Variants in CACNB2 observed in about 807,000 individuals in gnomAD.
The protein encoded by CACNB2 is calcium voltage-gated channel auxiliary subunit beta 2.
In CACNB2, 42 loss-of-function variants were observed where a neutral mutation model predicts 73.3. The observed-to-expected ratio is 0.57, with a 90% CI of 0.45 to 0.74. CACNB2 has a LOEUF of 0.74. Among genes scored for constraint, CACNB2 ranks in the 30% least tolerant of loss-of-function variants. CACNB2 has a pLI of 0.00. For synonymous variants in CACNB2, 348 were observed against 310.3 expected (o/e 1.12, Z -1.28); for missense variants, 940 against 853.0 (o/e 1.10, Z -1.27).
chr10:18,471,271 A>ACTCC (rs1483834138), intron 3 of CACNB2, among the ~76,000 whole-genome samples: 13 of 152,146 alleles, frequency 8.5e-5, no homozygotes, highest in Non-Finnish European at 8.8e-5. Flanking sequence ...ATGCCACAGC[A>ACTCC]CTCCAGCCTG....
At chr10:18,270,359 G>A (rs536609491) in intron 2 of CACNB2, among the ~76,000 whole-genome samples, 2 of 152,020 alleles carry the variant, frequency 1.3e-5, no homozygotes, top group African/African-American at 2.4e-5. Flanking sequence ...ATTTGGGTGG[G>A]GACAAAGCCA....
chr10:18,475,194 G>A (rs560036171), intron 3 of CACNB2, among the ~76,000 whole-genome samples: 1 of 152,000 alleles, frequency 6.6e-6, no homozygotes, highest in African/African-American at 2.4e-5. Flanking sequence ...TCACACACCT[G>A]GAAGCTCTCA....
intron 1 of CACNB2, among the ~76,000 whole-genome samples, chr10:18,148,884 TTGG>T (rs201981684): frequency 0.014 from 2,169 of 151,968 alleles, 23 homozygotes; most frequent in Middle Eastern, 0.031. Context: ...TTCCAGTTAC[TTGG>T]GAGGCTGAGG....
chr10:18,155,481 A>G (rs2031968874), intron 2 of CACNB2, among the ~76,000 whole-genome samples: 1 of 152,204 alleles, frequency 6.6e-6, no homozygotes, highest in African/African-American at 2.4e-5. Context: ...ACATTGGGCC[A>G]TTTCCAGTTG....
chr10:18,538,117 G>A (rs990803187), intron 12 of CACNB2, 63 bp from the exon 13 acceptor site: 1 of 1,499,980 alleles, frequency 6.7e-7, no homozygotes, highest in African/African-American at 1.4e-5. Context: ...TCCTCTTATG[G>A]AGGTGGGAAG....
chr10:18,324,618 C>T (rs1456434336), intron 2 of CACNB2, among the ~76,000 whole-genome samples: 2 of 152,166 alleles, frequency 1.3e-5, no homozygotes, highest in African/African-American at 2.4e-5. Flanking sequence ...TTTGGGAGGC[C>T]GAAGTGGGTG....
At position 18,538,385 on chromosome 10, in the gene CACNB2, A is replaced by C; in HGVS notation, c.1488+20A>C. 1 of 1,604,580 alleles carries C rather than the reference A, an allele frequency of 6.2e-7. No individual in the cohort carries two copies. Among genetic ancestry groups the C allele is most frequent in the Non-Finnish European group, 8.5e-7 (1 of 1,171,560 alleles). The stretch of plus-strand genomic sequence containing the variant: ...TCACAGGTAAGGGGAGTTTTTATAT[A>C]TATCTATATATACAATCTTCATAGA... On this transcript the variant is annotated intron_variant, in intron 13 of 13. Coordinates refer to ENST00000324631, the MANE Select transcript of CACNB2 (RefSeq NM_201596.3).
intron 2 of CACNB2, among the ~76,000 whole-genome samples, chr10:18,377,338 T>C (rs2042841412): frequency 6.6e-6 from 1 of 152,220 alleles, no homozygotes; most frequent in Non-Finnish European, 1.5e-5. Context: ...TATTGACATC[T>C]TGTGAGCTAT....
chr10:18,158,387 T>C (rs2032211760), intron 2 of CACNB2, among the ~76,000 whole-genome samples: 1 of 152,226 alleles, frequency 6.6e-6, no homozygotes, highest in South Asian at 2.1e-4. Flanking sequence ...TGAATGAATA[T>C]TATTTTCAAA....
intron 2 of CACNB2, among the ~76,000 whole-genome samples, chr10:18,253,743 C>A (rs2037175908): frequency 6.6e-6 from 1 of 152,166 alleles, no homozygotes; most frequent in Non-Finnish European, 1.5e-5. Context: ...GAGAATTTTA[C>A]TTTTCTCTAC....
At chr10:18,503,853 A>T (rs886639470) in intron 5 of CACNB2, among the ~76,000 whole-genome samples, 1 of 152,158 alleles carries the variant, frequency 6.6e-6, no homozygotes, top group Non-Finnish European at 1.5e-5. Flanking sequence ...TAGCCTTTTA[A>T]TGTCATCATG....
chr10:18,393,384 G>T (rs778218177), intron 2 of CACNB2, among the ~76,000 whole-genome samples: 1 of 152,036 alleles, frequency 6.6e-6, no homozygotes, highest in South Asian at 2.1e-4. Flanking sequence ...TTTTCAAAAT[G>T]GTTCCTTTGG....
intron 3 of CACNB2, among the ~76,000 whole-genome samples, chr10:18,452,734 C>T (rs1234037948): frequency 2.0e-5 from 3 of 152,190 alleles, no homozygotes; most frequent in Non-Finnish European, 4.4e-5. Flanking sequence ...GACAGAAGTT[C>T]TCTACCTAGG....
chr10:18,143,816 A>G (rs1386630707), intron 1 of CACNB2, among the ~76,000 whole-genome samples: 4 of 152,158 alleles, frequency 2.6e-5, no homozygotes, highest in African/African-American at 7.2e-5. Context: ...TGGAGTTTCT[A>G]TTTACAAATG....
At chr10:18,275,380 G>T (rs781713667) in intron 2 of CACNB2, among the ~76,000 whole-genome samples, 2 of 152,166 alleles carry the variant, frequency 1.3e-5, no homozygotes, top group African/African-American at 4.8e-5. Context: ...GTAATAAGGG[G>T]ATAGATACAA....
chr10:18,460,228 G>GTTAA (rs1424894587), intron 3 of CACNB2, among the ~76,000 whole-genome samples: 1 of 152,024 alleles, frequency 6.6e-6, no homozygotes, highest in African/African-American at 2.4e-5. Context: ...GTTTGTGGCT[G>GTTAA]TCAGTAGATT....
chr10:18,155,890 G>T (rs1265701727), intron 2 of CACNB2, among the ~76,000 whole-genome samples: 1 of 46,940 alleles, frequency 2.1e-5, no homozygotes, highest in Non-Finnish European at 4.3e-5. Context: ...GAGAGAGAGA[G>T]AACATATTAT....
At chr10:18,318,728 A>G (rs536789043) in intron 2 of CACNB2, among the ~76,000 whole-genome samples, 1 of 152,364 alleles carries the variant, frequency 6.6e-6, no homozygotes, top group Admixed American at 6.5e-5. Flanking sequence ...TAATATCCAG[A>G]ATCTACAAGG....
In CACNB2 at chr10:18,140,839, C is replaced by A; in HGVS notation, c.103C>A (p.Leu35Ile). ...AGAGAACGTGGCTCCCGCGGGGGCGCTCGGAGCCGCCGCACAGGTAGCGAG... is the reference window on the plus strand; with the variant it reads ...AGAGAACGTGGCTCCCGCGGGGGCGATCGGAGCCGCCGCACAGGTAGCGAG... ...LLENVAPAGA[L>I]GAAAQSYGKG... The change falls in exon 1 of 14, where the codon CTC (leucine) becomes ATC (isoleucine). Residue 35 changes from leucine to isoleucine, a missense_variant. Transcript: ENST00000324631. 1 of 1,602,426 alleles carries A rather than the reference C, an allele frequency of 6.2e-7. No homozygotes were observed. The highest frequency in any genetic ancestry group is 8.5e-7 in the Non-Finnish European group (1 of 1,176,226).
Sources: gnomAD v4.1 joint callset for allele counts (sites outside exome capture counted in the v4.1 genomes callset) on GRCh38, gnomAD v4.1.1 for gene constraint, MANE v1.5 for transcripts, NCBI Gene and HGNC (gene_info 2026-07-23, HGNC 2026-07-21) for gene names.